WDR17: variants seen among roughly 807,000 people sequenced by gnomAD.
The protein encoded by WDR17 is WD repeat domain 17, also known as WD repeat-containing protein 17.
In WDR17, 143 loss-of-function variants were observed where a neutral mutation model predicts 161.7. The ratio of observed to expected loss-of-function variants is 0.88; its 90% CI spans 0.77 to 1.02. The LOEUF is 1.02. Ranked by LOEUF, WDR17 falls within the 50% of genes least tolerant of loss-of-function variation. The probability of loss-of-function intolerance (pLI) is 0.00; values close to 1 mark genes in which losing one functional copy is unlikely to be tolerated. For missense variants in WDR17, 1,469 were observed against 1,520.9 expected, an observed-to-expected ratio of 0.97 and a Z score of 0.57; for synonymous variants, 517 against 515.6, an observed-to-expected ratio of 1.00 and a Z score of -0.04.
At chr4:176,148,061 A>G (rs879435710) in intron 12 of WDR17, 72 bp from the exon 13 acceptor site, 24 of 1,332,886 alleles carry the variant, frequency 1.8e-5, no homozygotes, top group Non-Finnish European at 2.5e-5. Context: ...ATTATACTCT[A>G]TTAAGAATAT....
intron 25 of WDR17, among the ~76,000 whole-genome samples, chr4:176,173,953 C>A (rs1314903657): frequency 1.3e-5 from 2 of 151,214 alleles, no homozygotes; most frequent in Non-Finnish European, 2.9e-5. Flanking sequence ...TTAAAGAAAG[C>A]AAGTTCAAAG....
At chr4:176,136,872 A>G (rs1414541922) in intron 8 of WDR17, among the ~76,000 whole-genome samples, 2 of 151,556 alleles carry the variant, frequency 1.3e-5, no homozygotes, top group East Asian at 1.9e-4. Context: ...TTATTCCTAG[A>G]TAGCAGATGA....
At chr4:176,139,530 A>G (rs1744921091) in intron 9 of WDR17, among the ~76,000 whole-genome samples, 1 of 151,994 alleles carries the variant, frequency 6.6e-6, no homozygotes, top group Non-Finnish European at 1.5e-5. Flanking sequence ...TTGGAAGCAG[A>G]TAGATAACTG....
intron 1 of WDR17, among the ~76,000 whole-genome samples, chr4:176,084,772 T>TA (rs1735210765): frequency 6.8e-6 from 1 of 146,530 alleles, no homozygotes; most frequent in Admixed American, 6.9e-5. Flanking sequence ...ATATTATATA[T>TA]TATATATATA....
intron 1 of WDR17, among the ~76,000 whole-genome samples, chr4:176,079,579 C>A (rs959451160): frequency 6.6e-6 from 1 of 152,080 alleles, no homozygotes; most frequent in African/African-American, 2.4e-5. Context: ...TCTCTATCAC[C>A]AGAAGGTGAT....
At chr4:176,086,156 T>C (rs1288574212) in intron 1 of WDR17, among the ~76,000 whole-genome samples, 2 of 152,132 alleles carry the variant, frequency 1.3e-5, no homozygotes, top group East Asian at 1.9e-4. Context: ...TTTTAAAATA[T>C]ACTCTGAATG....
chr4:176,120,320 A>AT lies in WDR17; in HGVS notation c.538+223_538+224insT, dbSNP rs1561130343. Among the ~76,000 whole-genome samples the AT allele has an allele frequency of 1.9e-3, 257 of 138,570 alleles. 1 individual carries two copies. Among genetic ancestry groups the AT allele is most frequent in the African/African-American group, 6.5e-3 (244 of 37,290 alleles). 90.9% of individuals were successfully genotyped at this position (138,570 alleles called of 152,430 possible). On this transcript the variant is annotated intron_variant, in intron 4 of 28. Coordinates refer to ENST00000508596, the MANE Select transcript of WDR17 (RefSeq NM_181265.4). ...TATATATATATATATATATATATAT[A>AT]ATACATTCAACACAGCTGTGAATAT...
At chr4:176,080,984 CT>C (rs1006698297) in intron 1 of WDR17, among the ~76,000 whole-genome samples, 13 of 148,606 alleles carry the variant, frequency 8.7e-5, no homozygotes, top group African/African-American at 3.2e-4. Flanking sequence ...ATCCCAGACC[CT>C]GGAGCTCCTA....
intron 1 of WDR17, among the ~76,000 whole-genome samples, chr4:176,089,062 C>T (rs1242610622): frequency 6.6e-6 from 1 of 152,100 alleles, no homozygotes; most frequent in Non-Finnish European, 1.5e-5. Flanking sequence ...TTAATTTCTG[C>T]ATTTTCCCCT....
At chr4:176,076,242 TATATATATATATACAC>T (rs1733985448) in intron 1 of WDR17, among the ~76,000 whole-genome samples, 2 of 77,730 alleles carry the variant, frequency 2.6e-5, no homozygotes, top group African/African-American at 7.5e-5. Context: ...TATATATATA[TATATATATATATACAC>T]ACACACACAC....
chr4:176,145,668 T>G (rs1032014931), intron 11 of WDR17, among the ~76,000 whole-genome samples: 6 of 152,166 alleles, frequency 3.9e-5, no homozygotes, highest in African/African-American at 1.4e-4. Flanking sequence ...ATGTAAAGTT[T>G]GAGAAAAATT....
At chr4:176,107,181 T>A (rs1403859822) in intron 1 of WDR17, among the ~76,000 whole-genome samples, 1 of 151,936 alleles carries the variant, frequency 6.6e-6, no homozygotes, top group Non-Finnish European at 1.5e-5. Flanking sequence ...GATAAGCACA[T>A]GAAAAGTTGC....
chr4:176,173,225 A>T (rs1210377543), intron 24 of WDR17, 42 bp from the exon 25 acceptor site: 1 of 1,323,792 alleles, frequency 7.6e-7, no homozygotes. Context: ...AAATTTTGAG[A>T]CTGTTATTTA....
intron 4 of WDR17, among the ~76,000 whole-genome samples, chr4:176,121,354 T>G (rs912891009): frequency 1.1e-4 from 16 of 152,216 alleles, no homozygotes. Context: ...CTCTGTAACC[T>G]TTGTCTCCGG....
intron 1 of WDR17, among the ~76,000 whole-genome samples, chr4:176,075,135 G>T (rs957551305): frequency 6.6e-6 from 1 of 151,464 alleles, no homozygotes; most frequent in Non-Finnish European, 1.5e-5. Flanking sequence ...ATATTAAGAT[G>T]TTTTATGTAT....
intron 3 of WDR17, among the ~76,000 whole-genome samples, 177 bp from the exon 4 acceptor site, chr4:176,119,690 C>G (rs1741230241): frequency 6.6e-6 from 1 of 152,122 alleles, no homozygotes; most frequent in African/African-American, 2.4e-5. Context: ...CATGGACTTT[C>G]CCTGCCTATG....
intron 18 of WDR17, among the ~76,000 whole-genome samples, chr4:176,159,313 GGAGAGA>G (rs149384853): frequency 2.8e-5 from 4 of 143,776 alleles, no homozygotes; most frequent in African/African-American, 5.2e-5. Flanking sequence ...ACACACAGAT[GGAGAGA>G]GAGAGAGAGA....
Position 176,101,273 on chromosome 4 carries a change from C to T in WDR17, c.-6-10302C>T, listed in dbSNP as rs140836001. 3.3e-4 allele frequency among the ~76,000 whole-genome samples: 50 copies of T among 152,212 alleles called. No individual in the cohort carries two copies. The East Asian group carries it at 9.5e-3, about 29-fold the overall frequency. On this transcript the variant is annotated intron_variant, in intron 1 of 28. Coordinates refer to ENST00000508596, the MANE Select transcript of WDR17 (RefSeq NM_181265.4). ...GCTGGGGGTACTGAGAAGCACTGGT[C>T]ATGGGCACGTGACTGAGACCTAATC...
chr4:176,131,512 T>C (rs199859479), intron 6 of WDR17, 42 bp from the exon 7 acceptor site: 209 of 1,531,196 alleles, frequency 1.4e-4, no homozygotes, highest in East Asian at 7.0e-4. Context: ...AATTAAGCTC[T>C]GTGGTTTCAT....
Sources: allele counts gnomAD v4.1 joint callset (sites outside exome capture counted in the v4.1 genomes callset), GRCh38; gene constraint gnomAD v4.1.1; transcripts MANE v1.5; gene names NCBI Gene and HGNC (gene_info 2026-07-23, HGNC 2026-07-21).